The following ZFP30 variants were observed in gnomAD, a reference collection of about 807,000 sequenced individuals.
The protein encoded by ZFP30 is zinc finger protein 30 homolog.
A neutral mutation model predicts 12.3 loss-of-function variants in ZFP30; 16 were observed. That is an observed-to-expected ratio of 1.30 (90% CI 0.88 to 1.98). ZFP30 has a LOEUF of 1.98. Among genes scored for constraint, ZFP30 ranks in the 30% most tolerant of loss-of-function variants. The pLI is 0.00. For synonymous variants in ZFP30, 172 were observed against 201.0 expected (o/e 0.86, Z 1.22); for missense variants, 560 against 611.2 (o/e 0.92, Z 0.88).
chr19:37,644,449 G>A (rs964175578), intron 4 of ZFP30, 161 bp downstream of exon 4: 21 of 608,908 alleles, frequency 3.4e-5, no homozygotes, highest in Admixed American at 6.7e-5. Context: ...CAGTAGAATC[G>A]CTTGAACCCA....
Position 37,647,805 on chromosome 19 carries a change from C to A in ZFP30, c.9+9G>T. On this transcript the variant is annotated intron_variant, in intron 3 of 5. Coordinates refer to ENST00000684514, the MANE Select transcript of ZFP30 (RefSeq NM_001320669.3). Reference sequence around the variant, plus strand: ...CAGAATTCCAAAGTAGAGAGAAATTCCAACTTACACGAGCCATGATTTTAG... The same window carrying A: ...CAGAATTCCAAAGTAGAGAGAAATTACAACTTACACGAGCCATGATTTTAG... 1 of 1,614,058 alleles carries A rather than the reference C, an allele frequency of 6.2e-7. No individual in the cohort carries two copies. Among genetic ancestry groups the A allele is most frequent in the Non-Finnish European group, 8.5e-7 (1 of 1,180,012 alleles).
intron 2 of ZFP30, among the ~76,000 whole-genome samples, chr19:37,649,112 G>C (rs1171521357): frequency 1.3e-5 from 2 of 152,092 alleles, no homozygotes; most frequent in Admixed American, 6.5e-5. Context: ...GGGTGTGTTG[G>C]CACCTGCCTG....
rs1455455909 is a variant in ZFP30 at position 37,655,462 on chromosome 19, G to C, written c.-288C>G. 6.6e-6 allele frequency: 1 copy of C among 152,394 alleles called. No homozygotes were observed. Among genetic ancestry groups the C allele is most frequent in the Non-Finnish European group, 1.5e-5 (1 of 68,158 alleles). 9.4% of individuals were successfully genotyped at this position (152,394 alleles called of 1,614,324 possible). On this transcript the variant is annotated 5_prime_UTR_variant, in exon 1 of 6. Coordinates refer to ENST00000684514, the MANE Select transcript of ZFP30 (RefSeq NM_001320669.3). Reference sequence around the variant, plus strand: ...CCAGCCCTGGGAGTCAGCGGCGCCAGAATACGGGAGAGCGCCTGTCTCCGT... The same window carrying C: ...CCAGCCCTGGGAGTCAGCGGCGCCACAATACGGGAGAGCGCCTGTCTCCGT...
At chr19:37,637,480 C>T (rs767310048) in intron 5 of ZFP30, among the ~76,000 whole-genome samples, 4 of 151,878 alleles carry the variant, frequency 2.6e-5, no homozygotes, top group South Asian at 2.1e-4. Context: ...TCAGCCACCG[C>T]GCCCAGCCTA....
chr19:37,643,352 T>C lies in ZFP30; in HGVS notation c.148A>G (p.Ile50Val), dbSNP rs1185339324. 3.2e-6 allele frequency: 5 copies of C among 1,583,036 alleles called. No individual in the cohort carries two copies. The highest frequency in any genetic ancestry group is 3.4e-6 in the Non-Finnish European group (4 of 1,166,320). The change falls in exon 5 of 6, where the codon ATT (isoleucine) becomes GTT (valine). Residue 50 changes from isoleucine (I) to valine (V), a missense_variant. Transcript: ENST00000684514. ...AGGGTGATCACATCTGGCTTAGAAA[T>C]AGAACATCCTGCTTAAAAATAAATA... ...SNLVSLAGCS[I>V]SKPDVITLLE... is the part of the protein sequence containing the mutation.
At chr19:37,652,416 A>G (rs988427119) in intron 2 of ZFP30, among the ~76,000 whole-genome samples, 1 of 152,008 alleles carries the variant, frequency 6.6e-6, no homozygotes, top group Non-Finnish European at 1.5e-5. Context: ...AAAATACAAA[A>G]AATTAGCTGG....
chr19:37,636,433 G>A (rs1261427916), intron 5 of ZFP30, 128 bp from the exon 6 acceptor site: 3 of 978,832 alleles, frequency 3.1e-6, no homozygotes, highest in African/African-American at 3.3e-5. Context: ...AAGTAAATGG[G>A]CTCAAAATCT....
intron 2 of ZFP30, among the ~76,000 whole-genome samples, chr19:37,650,639 CTAT>C (rs1176012684): frequency 3.9e-5 from 6 of 152,094 alleles, no homozygotes; most frequent in Admixed American, 3.9e-4. Flanking sequence ...TCACTTACTA[CTAT>C]AAGAGGCATA....
chr19:37,652,524 C>T (rs1354302337), intron 2 of ZFP30, among the ~76,000 whole-genome samples: 3 of 152,042 alleles, frequency 2.0e-5, no homozygotes, highest in South Asian at 4.2e-4. Flanking sequence ...GCCAAGATCG[C>T]GCCACTGCAC....
intron 5 of ZFP30, among the ~76,000 whole-genome samples, chr19:37,637,599 C>T (rs1360217708): frequency 1.3e-5 from 2 of 152,140 alleles, no homozygotes; most frequent in South Asian, 2.1e-4. Context: ...AAGCAATTCT[C>T]GTGTCTCAGC....
Position 37,635,493 on chromosome 19 carries a change from C to A in ZFP30, c.1048G>T (p.Gly350Cys). 8 of 1,614,064 alleles carry A rather than the reference C, an allele frequency of 5.0e-6. No homozygotes were observed. Among genetic ancestry groups the A allele is most frequent in the Non-Finnish European group, 6.8e-6 (8 of 1,180,016 alleles). The change falls in exon 6 of 6, where the codon GGT (glycine) becomes TGT (cysteine). Residue 350 changes from glycine to cysteine, a missense_variant. Coordinates refer to ENST00000684514, the MANE Select transcript of ZFP30 (RefSeq NM_001320669.3). ...TCCTTACAATCATAAGGCTTCTCAC[C>A]AGTGTGAATTCTCTGATGGAGAGTA... ...QLTLHQRIHT[G>C]EKPYDCKECG...
chr19:37,635,911 A>G lies in ZFP30; in HGVS notation c.630T>C (p.Ser210=), dbSNP rs768011264. The G allele has an allele frequency of 3.7e-6, 6 of 1,614,166 alleles. No homozygotes were observed. The highest frequency in any genetic ancestry group is 1.3e-5 in the African/African-American group (1 of 75,038). ...ATTTTTTACATTCATAGAGTTTGTC[A>G]GAAGTATGAATTCTCTGATGTCGAC... The part of the protein sequence containing the change: ...HLSRHQRIHT[S]DKLYECKKCG... The change falls in exon 6 of 6, where the codon TCT becomes TCC. Residue 210 remains serine, a synonymous_variant. Transcript: ENST00000684514.
intron 4 of ZFP30, 75 bp downstream of exon 4, chr19:37,644,535 G>GAAAAAA: frequency 1.5e-6 from 2 of 1,359,354 alleles, no homozygotes; most frequent in Non-Finnish European, 1.9e-6. Flanking sequence ...TTCGTCTTTG[G>GAAAAAA]AAAAAAACAA....
In ZFP30 at chr19:37,635,582, T is replaced by G; in HGVS notation, c.959A>C (p.His320Pro). 1 of 1,614,206 alleles carries G rather than the reference T, an allele frequency of 6.2e-7. No individual in the cohort carries two copies. Among genetic ancestry groups the G allele is most frequent in the Non-Finnish European group, 8.5e-7 (1 of 1,180,042 alleles). The change falls in exon 6 of 6, where the codon CAT (histidine) becomes CCT (proline). Residue 320 changes from histidine (H) to proline (P), a missense_variant. By Grantham distance (77) the His-to-Pro change is moderately conservative (BLOSUM62 -2). Coordinates refer to ENST00000684514, the MANE Select transcript of ZFP30 (RefSeq NM_001320669.3). Reference protein sequence around the residue: ...STGLRLHHKLHTGEKPYECKE... With the variant: ...STGLRLHHKLPTGEKPYECKE... ...ACATTCATAGGGTTTTTCTCCAGTA[T>G]GAAGTTTGTGATGTAGTCGAAGGCC...
rs1211813982 is a variant in ZFP30, at chr19:37,634,080, G to T, written c.*901C>A. The T allele has an allele frequency of 2.0e-5, 3 of 152,112 alleles. No homozygotes were observed. The highest frequency in any genetic ancestry group is 2.9e-5 in the Non-Finnish European group (2 of 68,026). 9.4% of individuals were successfully genotyped at this position (152,112 alleles called of 1,614,324 possible). A position where few individuals can be genotyped will look rare whatever the true frequency, so the allele number is the denominator to read the frequency against. On this transcript the variant is annotated 3_prime_UTR_variant, in exon 6 of 6. Coordinates refer to ENST00000684514, the MANE Select transcript of ZFP30 (RefSeq NM_001320669.3). ...AACCACTGTTTCATTGCATTTGACT[G>T]ATGTCTCAAGTCTGTCAATACCTAG... is the stretch of plus-strand genomic sequence containing the variant.
At position 37,643,319 on chromosome 19, in the gene ZFP30, G is replaced by A. The variant is rs761643145; in HGVS notation, c.181C>T (p.Gln61Ter). The A allele has an allele frequency of 6.2e-7, 1 of 1,610,490 alleles. No individual in the cohort carries two copies. Among genetic ancestry groups the A allele is most frequent in the East Asian group, 2.2e-5 (1 of 44,538 alleles). The change falls in exon 5 of 6, where the codon CAA (glutamine) becomes TAA (stop). Residue 61 changes from glutamine (Q) to a stop codon, truncating the protein, a stop_gained. Coordinates refer to ENST00000684514, the MANE Select transcript of ZFP30 (RefSeq NM_001320669.3). LOFTEE classifies it high-confidence loss of function. The part of the protein sequence containing the change: ...SKPDVITLLE[Q>*]GKEPWMVVRD... ...ACAACCATCCAGGGCTCTTTCCCTTGTTCCAATAGGGTGATCACATCTGGC... is the reference window on the plus strand; with the variant it reads ...ACAACCATCCAGGGCTCTTTCCCTTATTCCAATAGGGTGATCACATCTGGC...
At chr19:37,648,238 C>T (rs551467059) in intron 2 of ZFP30, among the ~76,000 whole-genome samples, 2 of 152,090 alleles carry the variant, frequency 1.3e-5, no homozygotes, top group Non-Finnish European at 2.9e-5. Context: ...TGAACAGATC[C>T]TCCTCCCTCC....
In ZFP30 at chr19:37,633,342, T is replaced by C. The variant is rs2044265117; in HGVS notation, c.*1639A>G. 6.6e-6 allele frequency: 1 copy of C among 150,546 alleles called. No individual in the cohort carries two copies. Among genetic ancestry groups the C allele is most frequent in the South Asian group, 2.1e-4 (1 of 4,752 alleles). 9.3% of individuals were successfully genotyped at this position (150,546 alleles called of 1,614,324 possible). On this transcript the variant is annotated 3_prime_UTR_variant, in exon 6 of 6. Transcript: ENST00000684514. ...GAGCTTTGGCAACATCCACAAGTTT[T>C]AATATGTAGAAATTTTCTTTTTTTC...
Position 37,643,316 on chromosome 19 carries a change from C to T in ZFP30, c.184G>A (p.Gly62Arg). ...CTCACAACCATCCAGGGCTCTTTCC[C>T]TTGTTCCAATAGGGTGATCACATCT... ...KPDVITLLEQGKEPWMVVRDE... is the reference protein window; with the variant it reads ...KPDVITLLEQRKEPWMVVRDE... Residue 62 changes from glycine to arginine, a missense_variant, in exon 5 of 6, where the codon GGG (glycine) becomes AGG (arginine). Transcript: ENST00000684514. The T allele has an allele frequency of 6.2e-7, 1 of 1,610,948 alleles. No individual in the cohort carries two copies. Among genetic ancestry groups the T allele is most frequent in the Non-Finnish European group, 8.5e-7 (1 of 1,178,758 alleles).
Sources: allele counts gnomAD v4.1 joint callset (sites outside exome capture counted in the v4.1 genomes callset), GRCh38; gene constraint gnomAD v4.1.1; transcripts MANE v1.5; gene names NCBI Gene and HGNC (gene_info 2026-07-23, HGNC 2026-07-21).